The following VPS8 variants were observed in gnomAD, a reference collection of about 807,000 sequenced individuals.
VPS8 encodes VPS8 subunit of CORVET complex, also known as vacuolar protein sorting-associated protein 8 homolog.
Under a neutral mutation model 216.4 loss-of-function variants are expected in VPS8, and 129 were observed. The observed-to-expected ratio is 0.60, with a 90% CI of 0.52 to 0.69. The LOEUF is 0.69. Ranked by LOEUF, VPS8 falls within the 30% of genes least tolerant of loss-of-function variation. The pLI is 0.00. For synonymous variants in VPS8, 571 were observed against 565.4 expected (o/e 1.01, Z -0.14); for missense variants, 1,531 against 1,683.5 (o/e 0.91, Z 1.59).
At chr3:184,877,611 A>C (rs1418354069) in intron 21 of VPS8, among the ~76,000 whole-genome samples, 1 of 152,218 alleles carries the variant, frequency 6.6e-6, no homozygotes, top group Non-Finnish European at 1.5e-5. Context: ...GAGGAAATAG[A>C]CACACAAAGG....
chr3:184,921,322 A>G (rs1268515632), intron 29 of VPS8, among the ~76,000 whole-genome samples: 1 of 152,244 alleles, frequency 6.6e-6, no homozygotes, highest in Non-Finnish European at 1.5e-5. Flanking sequence ...TATTACACTT[A>G]GTACGTGATT....
chr3:185,031,705 G>T (rs578182368), intron 46 of VPS8, among the ~76,000 whole-genome samples: 1 of 152,280 alleles, frequency 6.6e-6, no homozygotes, highest in African/African-American at 2.4e-5. Flanking sequence ...ATTTCATAAT[G>T]GTAGAACAAG....
chr3:184,824,957 G>A, intron 2 of VPS8, 172 bp downstream of exon 2: 1 of 646,706 alleles, frequency 1.5e-6, no homozygotes. Flanking sequence ...CCAGGTTGGA[G>A]TACAGTGGTG....
chr3:184,901,171 T>C (rs1338413424), intron 25 of VPS8, 199 bp downstream of exon 25: 2 of 562,426 alleles, frequency 3.6e-6, no homozygotes, highest in Non-Finnish European at 6.3e-6. Flanking sequence ...TTGTACTTGA[T>C]CCTTTCCCCA....
intron 40 of VPS8, among the ~76,000 whole-genome samples, chr3:184,977,450 T>C (rs978608941): frequency 6.6e-5 from 10 of 152,166 alleles, no homozygotes; most frequent in Non-Finnish European, 5.9e-5. Flanking sequence ...GCAGAAGCTC[T>C]TTAGTTTAAT....
chr3:185,039,581 CAG>C (rs1420700486), intron 46 of VPS8, among the ~76,000 whole-genome samples: 20 of 151,752 alleles, frequency 1.3e-4, no homozygotes, highest in African/African-American at 4.8e-4. Flanking sequence ...AACAGGGAGA[CAG>C]GAGTCCAGCT....
chr3:184,994,402 G>A (rs745639445), intron 43 of VPS8, among the ~76,000 whole-genome samples: 4 of 151,522 alleles, frequency 2.6e-5, no homozygotes, highest in East Asian at 3.9e-4. Context: ...TCCTCAGGAC[G>A]ATCAATTGAG....
At chr3:184,824,283 T>C (rs1321749163) in intron 1 of VPS8, 3 of 202,434 alleles carry the variant, frequency 1.5e-5, no homozygotes. Context: ...TATTAAGTTA[T>C]CACTATCACC....
At chr3:184,994,726 T>A (rs1387254038) in intron 43 of VPS8, among the ~76,000 whole-genome samples, 1 of 152,194 alleles carries the variant, frequency 6.6e-6, no homozygotes, top group African/African-American at 2.4e-5. Flanking sequence ...TAAAATTAAA[T>A]GAGTATTATT....
At chr3:184,927,893 A>G (rs1022166937) in intron 31 of VPS8, among the ~76,000 whole-genome samples, 1 of 152,220 alleles carries the variant, frequency 6.6e-6, no homozygotes, top group Non-Finnish European at 1.5e-5. Context: ...CGCAGCATGC[A>G]TGTATCAGGT....
chr3:184,947,608 G>A (rs528775668), intron 36 of VPS8, among the ~76,000 whole-genome samples: 1 of 151,836 alleles, frequency 6.6e-6, no homozygotes, highest in South Asian at 2.1e-4. Flanking sequence ...TTTAGCAAGA[G>A]GCATGTCTGT....
In VPS8 at chr3:185,012,971, C is replaced by T. The variant is rs549541946; in HGVS notation, c.4003-11365C>T. Among the ~76,000 whole-genome samples the T allele has an allele frequency of 3.1e-3, 456 of 149,104 alleles. 5 individuals are homozygous for T. Among genetic ancestry groups the T allele is most frequent in the African/African-American group, 0.011 (428 of 38,610 alleles). ...ATAGATTAGCTAAAAGCATTTCCTA[C>T]GGGAAATAACTAAAAGCATTTCCTA... On this transcript the variant is annotated intron_variant, in intron 45 of 47. Coordinates refer to ENST00000625842, the MANE Select transcript of VPS8 (RefSeq NM_001009921.3).
intron 9 of VPS8, chr3:184,849,658 G>C: frequency 2.4e-6 from 1 of 419,086 alleles, no homozygotes; most frequent in South Asian, 2.9e-5. Context: ...GTGCTAAACA[G>C]ATTGACTTAT....
chr3:185,027,981 A>G (rs1757623709), intron 46 of VPS8, among the ~76,000 whole-genome samples: 1 of 152,194 alleles, frequency 6.6e-6, no homozygotes, highest in Admixed American at 6.5e-5. Flanking sequence ...TCCATTTCCA[A>G]TATTCACCAT....
intron 46 of VPS8, among the ~76,000 whole-genome samples, chr3:185,025,057 A>AT (rs1381480601): frequency 1.3e-5 from 2 of 152,162 alleles, no homozygotes. Flanking sequence ...AGCTGTGCCT[A>AT]AAAAAACTGG....
rs979737854 is a variant in VPS8, at chr3:184,989,535, G to A, written c.3586-4448G>A. Among the ~76,000 whole-genome samples the A allele has an allele frequency of 2.6e-5, 4 of 151,976 alleles. No individual in the cohort carries two copies. The South Asian group carries it at 6.2e-4, about 24-fold the overall frequency. On this transcript the variant is annotated intron_variant, in intron 42 of 47. Coordinates refer to ENST00000625842, the MANE Select transcript of VPS8 (RefSeq NM_001009921.3). ...CCGCCTCTGCCTCCCTAAGTGCTGG[G>A]ATTACAGGCATGAACCACCACACCC... is the stretch of plus-strand genomic sequence containing the variant.
intron 45 of VPS8, among the ~76,000 whole-genome samples, chr3:185,009,230 T>C (rs1207573652): frequency 6.6e-6 from 1 of 152,330 alleles, no homozygotes; most frequent in African/African-American, 2.4e-5. Flanking sequence ...ACTAAGGTTT[T>C]GATGGAAATA....
intron 21 of VPS8, among the ~76,000 whole-genome samples, chr3:184,879,442 A>G (rs777779814): frequency 2.0e-5 from 3 of 152,220 alleles, no homozygotes; most frequent in Non-Finnish European, 4.4e-5. Context: ...TATTCTTAAT[A>G]TTCTTAAAGC....
At chr3:184,965,392 A>C (rs1481746452) in intron 38 of VPS8, among the ~76,000 whole-genome samples, 1 of 152,194 alleles carries the variant, frequency 6.6e-6, no homozygotes, top group African/African-American at 2.4e-5. Flanking sequence ...TGAACCTAGT[A>C]TTAAGGAATA....
Sources: allele counts gnomAD v4.1 joint callset (sites outside exome capture counted in the v4.1 genomes callset), GRCh38; gene constraint gnomAD v4.1.1; transcripts MANE v1.5; gene names NCBI Gene and HGNC (gene_info 2026-07-23, HGNC 2026-07-21).